Variants in SUGCT observed in about 807,000 individuals in gnomAD.
SUGCT encodes the protein succinyl-CoA:glutarate-CoA transferase.
SUGCT carries 41 observed loss-of-function variants against 55.0 expected under a neutral mutation model. That is an observed-to-expected ratio of 0.74 (90% CI 0.58 to 0.97). The LOEUF is 0.97. SUGCT is among the 50% of genes least tolerant of loss of function. SUGCT has a pLI of 0.00. For missense variants in SUGCT, 568 were observed against 547.8 expected (o/e 1.04, Z -0.37); for synonymous variants, 187 against 200.4 (o/e 0.93, Z 0.56).
intron 13 of SUGCT, among the ~76,000 whole-genome samples, chr7:40,763,139 G>C (rs2128721966): frequency 6.6e-6 from 1 of 152,196 alleles, no homozygotes; most frequent in Admixed American, 6.5e-5. Context: ...TTTATGCATT[G>C]TATTATACTG....
chr7:40,587,748 G>A (rs1797469392), intron 12 of SUGCT, among the ~76,000 whole-genome samples: 1 of 151,884 alleles, frequency 6.6e-6, no homozygotes, highest in South Asian at 2.1e-4. Context: ...TCCTTTTAAA[G>A]CTTGCTTTAA....
chr7:40,693,548 T>A (rs1784786864), intron 12 of SUGCT, among the ~76,000 whole-genome samples: 1 of 152,206 alleles, frequency 6.6e-6, no homozygotes, highest in Non-Finnish European at 1.5e-5. Context: ...GAGCTGGGAT[T>A]TGAACCCAGG....
chr7:40,985,274 G>T, the SUGCT span, among the ~76,000 whole-genome samples: 1 of 152,176 alleles, frequency 6.6e-6, no homozygotes, highest in Non-Finnish European at 1.5e-5. Context: ...CAATGGCATT[G>T]TAAATGGACA....
intron 9 of SUGCT, among the ~76,000 whole-genome samples, chr7:40,394,228 A>C (rs761387041): frequency 1.3e-5 from 2 of 152,110 alleles, no homozygotes; most frequent in African/African-American, 4.8e-5. Context: ...CATCATCAAT[A>C]TTTTTAAAAT....
At chr7:41,001,765 T>C in the SUGCT span, among the ~76,000 whole-genome samples, 1 of 152,156 alleles carries the variant, frequency 6.6e-6, no homozygotes, top group Non-Finnish European at 1.5e-5. Flanking sequence ...AACTCCATCT[T>C]CTAATACCAT....
At chr7:40,950,273 G>T in the SUGCT span, among the ~76,000 whole-genome samples, 1 of 152,032 alleles carries the variant, frequency 6.6e-6, no homozygotes, top group Non-Finnish European at 1.5e-5. Context: ...TTATTGGTGT[G>T]TAAGAATGCT....
chr7:40,489,579 G>T (rs1791569419), intron 11 of SUGCT, among the ~76,000 whole-genome samples: 1 of 152,236 alleles, frequency 6.6e-6, no homozygotes, highest in African/African-American at 2.4e-5. Context: ...TGCTCAGGAG[G>T]TTGAGGCAGG....
At chr7:40,858,983 A>T (rs1225577788) in intron 13 of SUGCT, among the ~76,000 whole-genome samples, 4 of 152,240 alleles carry the variant, frequency 2.6e-5, no homozygotes, top group African/African-American at 9.6e-5. Context: ...CAAAGAGCTC[A>T]AAGCTCGTTT....
intron 13 of SUGCT, among the ~76,000 whole-genome samples, chr7:40,772,279 C>T (rs1037942345): frequency 2.0e-5 from 3 of 152,030 alleles, no homozygotes; most frequent in African/African-American, 4.8e-5. Context: ...TCAGCCCATA[C>T]GTAAGTCTTG....
chr7:40,469,817 G>A (rs1367379141), intron 11 of SUGCT, among the ~76,000 whole-genome samples: 1 of 152,102 alleles, frequency 6.6e-6, no homozygotes, highest in Non-Finnish European at 1.5e-5. Context: ...TTTGTATACG[G>A]AGGGGATGAT....
chr7:40,286,613 A>G (rs967052425), intron 8 of SUGCT, among the ~76,000 whole-genome samples: 1 of 152,216 alleles, frequency 6.6e-6, no homozygotes, highest in Non-Finnish European at 1.5e-5. Flanking sequence ...ATTGTAGAAC[A>G]TGTGAAACTT....
At chr7:40,858,403 CAAAAAAAA>C (rs58628576) in intron 13 of SUGCT, among the ~76,000 whole-genome samples, 11,105 of 34,432 alleles carry the variant, frequency 0.32, 469 homozygotes, top group Middle Eastern at 0.45. Flanking sequence ...AATTCCATCT[CAAAAAAAA>C]AAAAAAAAAA....
the SUGCT span, among the ~76,000 whole-genome samples, chr7:40,889,497 A>G: frequency 6.6e-6 from 1 of 152,178 alleles, no homozygotes; most frequent in Non-Finnish European, 1.5e-5. Flanking sequence ...GGCCTTTTTA[A>G]GGGCCTGATC....
intron 12 of SUGCT, among the ~76,000 whole-genome samples, chr7:40,575,892 C>T (rs1459470375): frequency 6.1e-5 from 9 of 148,476 alleles, no homozygotes; most frequent in Middle Eastern, 7.0e-3. Flanking sequence ...TGCAGTGAGC[C>T]GAGATTGTGC....
chr7:40,846,456 A>G (rs1045803012), intron 13 of SUGCT, among the ~76,000 whole-genome samples: 2 of 151,800 alleles, frequency 1.3e-5, no homozygotes, highest in East Asian at 1.9e-4. Flanking sequence ...TGGGTAGCAC[A>G]CTTTGAGGGG....
chr7:40,885,666 A>G, the SUGCT span, among the ~76,000 whole-genome samples: 4 of 152,172 alleles, frequency 2.6e-5, no homozygotes, highest in Admixed American at 2.6e-4. Context: ...AGAATGACTC[A>G]TCAACCCAGA....
At chr7:40,334,000 G>T (rs1225994291) in intron 9 of SUGCT, among the ~76,000 whole-genome samples, 1 of 151,992 alleles carries the variant, frequency 6.6e-6, no homozygotes, top group South Asian at 2.1e-4. Context: ...AGAACATGCA[G>T]TGTCTGGTTT....
chr7:40,932,000 T>C, the SUGCT span, among the ~76,000 whole-genome samples: 4 of 152,218 alleles, frequency 2.6e-5, no homozygotes, highest in African/African-American at 4.8e-5. Flanking sequence ...TCTCTAGTTC[T>C]TTTCATTGTA....
intron 3 of SUGCT, among the ~76,000 whole-genome samples, chr7:40,182,503 T>C (rs1460662374): frequency 6.8e-6 from 1 of 147,630 alleles, no homozygotes; most frequent in African/African-American, 2.5e-5. Context: ...TGGAGGTTGC[T>C]GTGAGCCAAG....
Sources: allele counts gnomAD v4.1 joint callset (sites outside exome capture counted in the v4.1 genomes callset), GRCh38; gene constraint gnomAD v4.1.1; transcripts MANE v1.5; gene names NCBI Gene and HGNC (gene_info 2026-07-23, HGNC 2026-07-21).